ASIC2: variants seen among roughly 807,000 people sequenced by gnomAD.
ASIC2 encodes acid-sensing ion channel 2.
ASIC2 carries 25 observed loss-of-function variants against 57.3 expected under a neutral mutation model. The ratio of observed to expected loss-of-function variants is 0.44; its 90% confidence interval spans 0.32 to 0.61. The LOEUF is 0.61. Among genes scored for constraint, ASIC2 ranks in the 20% least tolerant of loss-of-function variants. The pLI, the probability that ASIC2 is intolerant of heterozygous loss-of-function variation, is 0.06. For missense variants in ASIC2, 641 were observed against 738.1 expected (o/e 0.87, Z 1.52); for synonymous variants, 319 against 307.5 (o/e 1.04, Z -0.39).
chr17:33,709,770 C>A (rs981934787), intron 1 of ASIC2, among the ~76,000 whole-genome samples: 1 of 152,124 alleles, frequency 6.6e-6, no homozygotes, highest in Non-Finnish European at 1.5e-5. Context: ...GTATAAAGAA[C>A]CCTTAATATG....
At chr17:33,111,049 A>T (rs1031811550) in intron 2 of ASIC2, among the ~76,000 whole-genome samples, 2 of 152,144 alleles carry the variant, frequency 1.3e-5, no homozygotes, top group African/African-American at 4.8e-5. Flanking sequence ...AGAGGCTACC[A>T]TCACTCCTTG....
intron 1 of ASIC2, among the ~76,000 whole-genome samples, chr17:34,113,615 T>G (rs376657433): frequency 1.3e-5 from 2 of 151,224 alleles, no homozygotes; most frequent in East Asian, 3.9e-4. Flanking sequence ...TGGTGACTCA[T>G]GCCTATAATC....
intron 1 of ASIC2, among the ~76,000 whole-genome samples, chr17:33,638,452 T>G (rs1597816832): frequency 6.6e-6 from 1 of 152,176 alleles, no homozygotes; most frequent in Admixed American, 6.5e-5. Context: ...CTAAGGCAGT[T>G]TCAACATCAC....
intron 1 of ASIC2, among the ~76,000 whole-genome samples, chr17:33,993,915 C>T (rs1906075682): frequency 6.6e-6 from 1 of 152,186 alleles, no homozygotes; most frequent in Non-Finnish European, 1.5e-5. Context: ...TGGCATGTGT[C>T]TGCCTTCCAC....
At chr17:33,977,043 G>C (rs1267931023) in intron 1 of ASIC2, among the ~76,000 whole-genome samples, 1 of 152,012 alleles carries the variant, frequency 6.6e-6, no homozygotes, top group Non-Finnish European at 1.5e-5. Context: ...CTGGCCCCTG[G>C]TATTTCTGAT....
chr17:33,216,310 A>G (rs542627843), intron 1 of ASIC2, among the ~76,000 whole-genome samples: 12 of 152,280 alleles, frequency 7.9e-5, no homozygotes, highest in Non-Finnish European at 1.8e-4. Flanking sequence ...CATTAACGAA[A>G]CCGTATGAGG....
chr17:33,944,793 C>T (rs1916270825), intron 1 of ASIC2, among the ~76,000 whole-genome samples: 1 of 152,204 alleles, frequency 6.6e-6, no homozygotes, highest in Non-Finnish European at 1.5e-5. Flanking sequence ...GTTGTGGCCT[C>T]TGTCCCTCTT....
chr17:33,997,238 C>T (rs969070794), intron 1 of ASIC2, among the ~76,000 whole-genome samples: 6 of 151,438 alleles, frequency 4.0e-5, no homozygotes, highest in African/African-American at 1.5e-4. Context: ...ACCTCCTGGG[C>T]TCAAGCTATC....
intron 1 of ASIC2, among the ~76,000 whole-genome samples, chr17:33,640,365 G>A (rs192282339): frequency 1.2e-4 from 18 of 152,226 alleles, no homozygotes; most frequent in African/African-American, 4.1e-4. Context: ...TTTGCATTTC[G>A]CCAAAAGACA....
chr17:33,981,116 AT>A (rs113591553), intron 1 of ASIC2, among the ~76,000 whole-genome samples: 1 of 149,992 alleles, frequency 6.7e-6, no homozygotes, highest in Non-Finnish European at 1.5e-5. Flanking sequence ...TTTTTCTTTC[AT>A]TTTTTTTGTA....
At chr17:33,522,003 G>A (rs1473952166) in intron 1 of ASIC2, among the ~76,000 whole-genome samples, 1 of 152,204 alleles carries the variant, frequency 6.6e-6, no homozygotes, top group Non-Finnish European at 1.5e-5. Flanking sequence ...GGCAGCCGCT[G>A]CCTGGCCTAT....
rs117277590 is a variant in ASIC2 at position 34,013,481 on chromosome 17, T to C, written c.555+142497A>G. 1.1e-4 allele frequency among the ~76,000 whole-genome samples: 17 copies of C among 152,350 alleles called. No homozygotes were observed. The East Asian group carries it at 3.3e-3, about 29-fold the overall frequency. ...GACCCTTGAGGAGAGAGGTTGTGTCTGTTTTAACCATCCCTGCATTCCCAG... is the reference window on the plus strand; with the variant it reads ...GACCCTTGAGGAGAGAGGTTGTGTCCGTTTTAACCATCCCTGCATTCCCAG... On this transcript the variant is annotated intron_variant, in intron 1 of 9. Transcript: ENST00000359872.
chr17:33,193,093 T>C (rs2142070206), intron 1 of ASIC2, among the ~76,000 whole-genome samples: 1 of 152,312 alleles, frequency 6.6e-6, no homozygotes. Flanking sequence ...TGAAAGTCCT[T>C]TAATGGCACC....
At chr17:33,208,172 T>C (rs1358765259) in intron 1 of ASIC2, among the ~76,000 whole-genome samples, 1 of 152,172 alleles carries the variant, frequency 6.6e-6, no homozygotes, top group Non-Finnish European at 1.5e-5. Context: ...GTTTGTTTCA[T>C]GGGGACTGAG....
intron 1 of ASIC2, among the ~76,000 whole-genome samples, chr17:33,871,028 A>T (rs987639123): frequency 1.3e-5 from 2 of 152,172 alleles, no homozygotes; most frequent in Non-Finnish European, 2.9e-5. Flanking sequence ...GCTTCAGCCA[A>T]ATCAGAGTGG....
chr17:33,233,715 C>T (rs1204879216), intron 1 of ASIC2, among the ~76,000 whole-genome samples: 1 of 152,026 alleles, frequency 6.6e-6, no homozygotes, highest in Non-Finnish European at 1.5e-5. Context: ...TAGAAGGTCT[C>T]AAATTCCAAT....
At chr17:33,275,744 C>T (rs573791259) in intron 1 of ASIC2, among the ~76,000 whole-genome samples, 1 of 152,276 alleles carries the variant, frequency 6.6e-6, no homozygotes, top group Admixed American at 6.5e-5. Flanking sequence ...TTACCCTTAC[C>T]CACTCCACAG....
At position 33,951,690 on chromosome 17, in the gene ASIC2, C is replaced by T. The variant is rs1259350150; in HGVS notation, c.555+204288G>A. On this transcript the variant is annotated intron_variant, in intron 1 of 9. Coordinates refer to the ASIC2 transcript ENST00000359872. ...CTCCACCTTCTGGGTTCAAGGGATT[C>T]TCCTGCCTCAGCCTCCAGAGTAGCT... 1.1e-4 allele frequency among the ~76,000 whole-genome samples: 16 copies of T among 151,700 alleles called. 1 individual carries two copies. The highest frequency in any genetic ancestry group is 1.0e-3 in the Admixed American group (16 of 15,260).
intron 1 of ASIC2, among the ~76,000 whole-genome samples, chr17:34,130,226 C>G (rs1911910334): frequency 6.6e-6 from 1 of 151,116 alleles, no homozygotes; most frequent in South Asian, 2.1e-4. Context: ...TCACTGCCAC[C>G]CATGACTTCA....
Sources: gnomAD v4.1 joint callset for allele counts (sites outside exome capture counted in the v4.1 genomes callset) on GRCh38, gnomAD v4.1.1 for gene constraint, MANE v1.5 for transcripts, NCBI Gene and HGNC (gene_info 2026-07-23, HGNC 2026-07-21) for gene names.